Variants in MROH2A observed in about 807,000 individuals in gnomAD.
MROH2A encodes the protein maestro heat-like repeat-containing protein family member 2A.
MROH2A carries 174 observed loss-of-function variants against 200.4 expected under a neutral mutation model. The observed-to-expected ratio is 0.87, with a 90% CI of 0.77 to 0.98. The LOEUF is 0.98. Among genes scored for constraint, MROH2A ranks in the 50% least tolerant of loss-of-function variants. MROH2A has a pLI of 0.00. For synonymous variants in MROH2A, 829 were observed against 840.4 expected, an observed-to-expected ratio of 0.99 and a Z score of 0.23; for missense variants, 2,045 against 2,139.6, an observed-to-expected ratio of 0.96 and a Z score of 0.87.
rs75826811 is a variant in MROH2A, at chr2:233,791,561, G to T, written c.572-1235G>T. ...AGTTCAGAGGGCAGGTCTGGGCTTGGCTTTGGTTCTTGGTGACCTCAGAGT... is the reference window on the plus strand; with the variant it reads ...AGTTCAGAGGGCAGGTCTGGGCTTGTCTTTGGTTCTTGGTGACCTCAGAGT... On this transcript the variant is annotated intron_variant, in intron 5 of 41. Coordinates refer to ENST00000389758, the MANE Select transcript of MROH2A (RefSeq NM_001394639.1). Among the ~76,000 whole-genome samples, 5 of 152,140 alleles carry T rather than the reference G, an allele frequency of 3.3e-5. No individual in the cohort carries two copies. In the East Asian group the frequency reaches 9.7e-4, roughly 29 times the overall value.
intron 25 of MROH2A, among the ~76,000 whole-genome samples, chr2:233,814,166 G>A (rs28900677): frequency 0.033 from 5,087 of 152,268 alleles, 133 homozygotes; most frequent in East Asian, 0.096. Flanking sequence ...GAAAGTCTAG[G>A]GAAGACTTGA....
At chr2:233,796,172 T>C in intron 10 of MROH2A, 28 bp from the exon 11 acceptor site, 1 of 1,535,146 alleles carries the variant, frequency 6.5e-7, no homozygotes. Flanking sequence ...CCGGTGAGCA[T>C]GACTAAAGCT....
In MROH2A at chr2:233,807,690, A is replaced by C. The variant is rs1702892701; in HGVS notation, c.2173-43A>C. The stretch of plus-strand genomic sequence containing the variant: ...GTGTGTGTGGGATCCTCCTCTGCCC[A>C]CTGGCCCCTGCCCTCACCCTGGCTG... On this transcript the variant is annotated intron_variant, in intron 20 of 41. Transcript: ENST00000389758. This position sits in a 1 kb window ranked among gnomAD's most constrained non-coding sequence, Gnocchi z 4.3. 1 of 1,550,274 alleles carries C rather than the reference A, an allele frequency of 6.5e-7. No individual in the cohort carries two copies. The highest frequency in any genetic ancestry group is 2.0e-5 in the Admixed American group (1 of 51,004).
upstream of MROH2A, among the ~76,000 whole-genome samples, chr2:233,777,717 G>C (rs1264005063): frequency 6.6e-6 from 1 of 152,170 alleles, no homozygotes; most frequent in Non-Finnish European, 1.5e-5. Context: ...CTTGGCCCTA[G>C]ATGTCTCTGA....
intron 10 of MROH2A, 75 bp downstream of exon 10, chr2:233,796,120 G>A: frequency 6.6e-7 from 1 of 1,515,222 alleles, no homozygotes; most frequent in Non-Finnish European, 8.9e-7. Context: ...CGGCCCCTCT[G>A]AGCGCTGGGC....
At chr2:233,795,573 G>A in intron 8 of MROH2A, 80 bp from the exon 9 acceptor site, 2 of 1,545,928 alleles carry the variant, frequency 1.3e-6, no homozygotes, top group Non-Finnish European at 1.7e-6. Flanking sequence ...TGGGTCAGTG[G>A]GCCCCTGAGT....
rs1703662306 is a variant in MROH2A at position 233,818,010 on chromosome 2, A to G, written c.2970A>G (p.Leu990=). The change falls in exon 28 of 42, where the codon CTA becomes CTG. Residue 990 remains leucine, a synonymous_variant. Transcript: ENST00000389758. ...GGTCTCCTGTCCCTCAGATCCACCT[A>G]AAGCTGGGGCAGTTTGGCACAATGG... is the stretch of plus-strand genomic sequence containing the variant. The part of the protein sequence containing the change: ...YVHSTAVCIH[L]KLGQFGTMVG... 1.3e-6 allele frequency: 2 copies of G among 1,550,818 alleles called. No homozygotes were observed. Among genetic ancestry groups the G allele is most frequent in the South Asian group, 1.2e-5 (1 of 84,070 alleles).
In MROH2A at chr2:233,788,856, G is replaced by C. The variant is rs181461375; in HGVS notation, c.277-641G>C. Among the ~76,000 whole-genome samples the C allele has an allele frequency of 3.2e-4, 48 of 149,828 alleles. 1 individual carries two copies. In the East Asian group the frequency reaches 9.2e-3, roughly 29 times the overall value. On this transcript the variant is annotated intron_variant, in intron 3 of 41. Transcript: ENST00000389758. ...CGGGAGGCTGAGGCAGGAGAATGGC[G>C]TGAACCCGGGAGGCAGAGCTTGCAG...
chr2:233,819,962 C>T lies in MROH2A; in HGVS notation c.3418C>T (p.Arg1140Trp), dbSNP rs372544804. 23 of 1,545,976 alleles carry T rather than the reference C, an allele frequency of 1.5e-5. No individual in the cohort carries two copies. Among genetic ancestry groups the T allele is most frequent in the Middle Eastern group, 1.7e-4 (1 of 5,986 alleles). ...HLPVVDHPEV[R>W]RLLIDGILLL... The stretch of plus-strand genomic sequence containing the variant: ...GCCGGTGGTGGACCACCCAGAGGTG[C>T]GGCGCCTTCTCATTGACGGCATCCT... The change falls in exon 31 of 42, where the codon CGG becomes TGG. Residue 1140 changes from arginine (R) to tryptophan (W), a missense_variant. Coordinates refer to ENST00000389758, the MANE Select transcript of MROH2A (RefSeq NM_001394639.1).
rs1704518702 is a variant in MROH2A, at chr2:233,828,907, G to T, written c.4281G>T (p.Lys1427Asn). ...GAPKKVKQYR[K>N]VLLEKCLGPL... Reference sequence around the variant, plus strand: ...CCCTCCAGGTGAAGCAGTACCGGAAGGTCTTGCTGGAGAAGTGCCTGGGCC... The same window carrying T: ...CCCTCCAGGTGAAGCAGTACCGGAATGTCTTGCTGGAGAAGTGCCTGGGCC... The change falls in exon 37 of 42, where the codon AAG (lysine) becomes AAT (asparagine). Residue 1427 changes from lysine to asparagine, a missense_variant. Coordinates refer to ENST00000389758, the MANE Select transcript of MROH2A (RefSeq NM_001394639.1). This position sits in a 1 kb window ranked among gnomAD's most constrained non-coding sequence, Gnocchi z 4.6. 2 of 1,550,456 alleles carry T rather than the reference G, an allele frequency of 1.3e-6. No homozygotes were observed. The highest frequency in any genetic ancestry group is 1.7e-6 in the Non-Finnish European group (2 of 1,146,966).
At chr2:233,812,126 G>T (rs1271270612) in intron 24 of MROH2A, among the ~76,000 whole-genome samples, 167 bp downstream of exon 24, 1 of 151,256 alleles carries the variant, frequency 6.6e-6, no homozygotes, top group African/African-American at 2.4e-5. Flanking sequence ...GATGATGGGG[G>T]TCGGCCTCAG....
At position 233,803,481 on chromosome 2, in the gene MROH2A, G is replaced by A. The variant is rs182734868; in HGVS notation, c.1742G>A (p.Arg581His). 199 of 1,550,436 alleles carry A rather than the reference G, an allele frequency of 1.3e-4. No individual in the cohort carries two copies. Among genetic ancestry groups the A allele is most frequent in the African/African-American group, 4.2e-4 (31 of 73,158 alleles). Residue 581 changes from arginine to histidine, a missense_variant, in exon 16 of 42, where the codon CGT becomes CAT. Physicochemically the swap from Arg to His is conservative, Grantham distance 29. Coordinates refer to ENST00000389758, the MANE Select transcript of MROH2A (RefSeq NM_001394639.1). ...DLPAPQKLLA[R>H]LLVLMSSPYK... is the part of the protein sequence containing the mutation. ...CCTGCACCTCAGAAGCTGCTGGCCCGTCTCCTGGTGAGTGGCTGACCTGCA... is the reference window on the plus strand; with the variant it reads ...CCTGCACCTCAGAAGCTGCTGGCCCATCTCCTGGTGAGTGGCTGACCTGCA...
chr2:233,802,072 G>A (rs1702507558), intron 14 of MROH2A, 96 bp from the exon 15 acceptor site: 1 of 1,315,040 alleles, frequency 7.6e-7, no homozygotes, highest in Non-Finnish European at 1.0e-6. Flanking sequence ...GGGGAAGCAG[G>A]GATGGGATGG....
chr2:233,813,458 C>A (rs1703309157), intron 24 of MROH2A, among the ~76,000 whole-genome samples: 1 of 152,230 alleles, frequency 6.6e-6, no homozygotes, highest in Admixed American at 6.5e-5. Context: ...TGGACCCCTG[C>A]ATCTCCCCTT....
chr2:233,823,829 A>C, intron 35 of MROH2A, 165 bp downstream of exon 35: 5 of 884,492 alleles, frequency 5.7e-6, no homozygotes, highest in Non-Finnish European at 8.5e-6. Flanking sequence ...CATTCATCAC[A>C]TGAGTAGTGC....
At chr2:233,823,810 T>C in intron 35 of MROH2A, 146 bp downstream of exon 35, 3 of 1,006,770 alleles carry the variant, frequency 3.0e-6, no homozygotes, top group Non-Finnish European at 4.3e-6. Flanking sequence ...TCTCATCTGC[T>C]CCTTCATTCA....
Position 233,818,562 on chromosome 2 carries a change from C to A in MROH2A, c.3086-90C>A. The A allele has an allele frequency of 1.7e-5, 14 of 814,926 alleles. No individual in the cohort carries two copies. The South Asian group carries it at 2.0e-4, about 12-fold the overall frequency. 50.5% of individuals were successfully genotyped at this position (814,926 alleles called of 1,614,324 possible). A position where few individuals can be genotyped will look rare whatever the true frequency, so the allele number is the denominator to read the frequency against. On this transcript the variant is annotated intron_variant, in intron 28 of 41. Coordinates refer to ENST00000389758, the MANE Select transcript of MROH2A (RefSeq NM_001394639.1). ...TCACATGCTGGAGGGTGGCTCAGGC[C>A]TGCAAAGCCAGGGCAGGAGGTAGCC...
At chr2:233,813,887 G>A in intron 25 of MROH2A, 109 bp downstream of exon 25, 1 of 586,556 alleles carries the variant, frequency 1.7e-6, no homozygotes, top group South Asian at 2.4e-5. Flanking sequence ...GTGTTTAGAG[G>A]CAGCGGAGTG....
upstream of MROH2A, among the ~76,000 whole-genome samples, chr2:233,777,911 G>GT (rs1370642791): frequency 6.6e-6 from 1 of 152,158 alleles, no homozygotes; most frequent in Non-Finnish European, 1.5e-5. Flanking sequence ...TCTTTATCTT[G>GT]TAAGTATTGT....
Sources: allele counts gnomAD v4.1 joint callset (sites outside exome capture counted in the v4.1 genomes callset), GRCh38; gene constraint gnomAD v4.1.1; non-coding constraint Gnocchi (gnomAD v3.1); transcripts MANE v1.5; gene names NCBI Gene and HGNC (gene_info 2026-07-23, HGNC 2026-07-21).